JPH3: variants seen among roughly 807,000 people sequenced by gnomAD.
The protein encoded by JPH3 is junctophilin-3.
A neutral mutation model predicts 59.6 loss-of-function variants in JPH3; 11 were observed. The ratio of observed to expected loss-of-function variants is 0.18; its 90% CI spans 0.12 to 0.31. JPH3 has a LOEUF of 0.31. Among genes scored for constraint, JPH3 ranks in the 10% least tolerant of loss-of-function variants. The pLI is 1.00. For synonymous variants in JPH3, 673 were observed against 483.6 expected (o/e 1.39, Z -5.14); for missense variants, 1,202 against 1,105.7 (o/e 1.09, Z -1.24).
chr16:87,647,478 G>A (rs1385799861), intron 2 of JPH3, among the ~76,000 whole-genome samples: 1 of 152,168 alleles, frequency 6.6e-6, no homozygotes, highest in African/African-American at 2.4e-5. Flanking sequence ...CCAACCCCCC[G>A]ACAGCCTTTG....
chr16:87,685,425 C>T (rs1279472703), intron 3 of JPH3, among the ~76,000 whole-genome samples: 5 of 152,270 alleles, frequency 3.3e-5, no homozygotes, highest in Non-Finnish European at 7.3e-5. Flanking sequence ...CCATTGGCAT[C>T]CTCCATGGTC....
chr16:87,696,217 G>A, intron 4 of JPH3: 1 of 440,740 alleles, frequency 2.3e-6, no homozygotes, highest in Non-Finnish European at 4.4e-6. Flanking sequence ...GGAGAAGCCT[G>A]CTGACTGGCA....
chr16:87,685,518 G>A (rs1246639542), intron 3 of JPH3, among the ~76,000 whole-genome samples: 1 of 152,392 alleles, frequency 6.6e-6, no homozygotes, highest in East Asian at 1.9e-4. Context: ...GGGAGGCGGT[G>A]GGGCGCACAC....
intron 1 of JPH3, among the ~76,000 whole-genome samples, chr16:87,642,706 C>T (rs574802371): frequency 6.2e-4 from 94 of 152,290 alleles, no homozygotes; most frequent in African/African-American, 2.2e-3. Context: ...TGAGGTTTGC[C>T]GCGTTGGGCG....
chr16:87,684,439 G>A, intron 3 of JPH3, 173 bp downstream of exon 3: 1 of 1,005,018 alleles, frequency 1.0e-6, no homozygotes, highest in Non-Finnish European at 1.4e-6. Context: ...TTGTGCCAAG[G>A]CCTGGCCTGG....
At chr16:87,665,068 C>T (rs1597275402) in intron 2 of JPH3, among the ~76,000 whole-genome samples, 4 of 152,244 alleles carry the variant, frequency 2.6e-5, no homozygotes, top group African/African-American at 4.8e-5. Flanking sequence ...AGGAACCATC[C>T]GGCCCTCTTC....
intron 2 of JPH3, among the ~76,000 whole-genome samples, chr16:87,645,616 C>G (rs1164569664): frequency 6.6e-6 from 1 of 152,148 alleles, no homozygotes; most frequent in African/African-American, 2.4e-5. Context: ...GCATGACTTA[C>G]GGAATTTGGG....
At chr16:87,628,302 CAG>C (rs1313317561) in intron 1 of JPH3, among the ~76,000 whole-genome samples, 2 of 152,384 alleles carry the variant, frequency 1.3e-5, no homozygotes, top group African/African-American at 4.8e-5. Context: ...AGCCAGCCCT[CAG>C]GGGCCAGAGC....
At chr16:87,681,203 G>A (rs2033282674) in intron 2 of JPH3, among the ~76,000 whole-genome samples, 1 of 149,794 alleles carries the variant, frequency 6.7e-6, no homozygotes, top group Non-Finnish European at 1.5e-5. Flanking sequence ...GGTGCACGCG[G>A]TGATGACAGT....
chr16:87,696,984 C>T lies in JPH3; in HGVS notation c.*324C>T, dbSNP rs557633107. On this transcript the variant is annotated 3_prime_UTR_variant, in exon 5 of 5. Transcript: ENST00000284262. The stretch of plus-strand genomic sequence containing the variant: ...CAGTGGTAACAGCGGACGTTGTCCT[C>T]GTGGTCACACGTCCCGTCTTGGGTG... 22 of 353,054 alleles carry T rather than the reference C, an allele frequency of 6.2e-5. No homozygotes were observed. The highest frequency in any genetic ancestry group is 2.8e-4 in the South Asian group (11 of 38,876). The allele number at this position is 353,054 out of a possible 1,614,324, so 21.9% of individuals were successfully genotyped here. A position where few individuals can be genotyped will look rare whatever the true frequency, so the allele number is the denominator to read the frequency against.
chr16:87,680,533 GGAAGGTTGCAA>G (rs2033263014), intron 2 of JPH3, among the ~76,000 whole-genome samples: 1 of 152,234 alleles, frequency 6.6e-6, no homozygotes, highest in Non-Finnish European at 1.5e-5. Flanking sequence ...TTTCCTCCAG[GGAAGGTTGCAA>G]GAAAGGCGGG....
rs188631971 is a variant in JPH3, at chr16:87,636,475, G to C, written c.383-7783G>C. ...CGCTTTATTGAGCAACCGAGGGAGCGAGGGAGAGGAGCAACTGCGGCGAGC... is the reference window on the plus strand; with the variant it reads ...CGCTTTATTGAGCAACCGAGGGAGCCAGGGAGAGGAGCAACTGCGGCGAGC... On this transcript the variant is annotated intron_variant, in intron 1 of 4. Transcript: ENST00000284262. Among the ~76,000 whole-genome samples the C allele has an allele frequency of 1.9e-3, 282 of 152,334 alleles. 5 individuals are homozygous for C. In the East Asian group the frequency reaches 0.042, roughly 23 times the overall value.
chr16:87,689,189 C>G (rs1412502073), intron 3 of JPH3, among the ~76,000 whole-genome samples: 1 of 152,194 alleles, frequency 6.6e-6, no homozygotes, highest in Non-Finnish European at 1.5e-5. Context: ...GTCCCAGCAC[C>G]CTGAGACACA....
At chr16:87,627,973 A>G (rs1395629547) in intron 1 of JPH3, among the ~76,000 whole-genome samples, 2 of 152,248 alleles carry the variant, frequency 1.3e-5, no homozygotes, top group African/African-American at 4.8e-5. Context: ...AGCGTTCCCA[A>G]CATCAGAGCT....
intron 2 of JPH3, among the ~76,000 whole-genome samples, chr16:87,681,727 G>A (rs1337074679): frequency 2.0e-5 from 3 of 152,216 alleles, no homozygotes; most frequent in African/African-American, 7.2e-5. Flanking sequence ...AAGTGCATGT[G>A]GTCATAGTTC....
At chr16:87,631,686 C>G (rs1050148430) in intron 1 of JPH3, among the ~76,000 whole-genome samples, 2 of 152,160 alleles carry the variant, frequency 1.3e-5, no homozygotes, top group African/African-American at 4.8e-5. Context: ...TCCCTGCTTT[C>G]TAGAACTCCT....
intron 2 of JPH3, among the ~76,000 whole-genome samples, chr16:87,662,905 T>G (rs2032750715): frequency 6.6e-6 from 1 of 152,156 alleles, no homozygotes; most frequent in Non-Finnish European, 1.5e-5. Flanking sequence ...AAGCACCGGC[T>G]CCTTTCACGG....
intron 1 of JPH3, among the ~76,000 whole-genome samples, chr16:87,617,719 G>A (rs986342493): frequency 5.3e-5 from 8 of 152,162 alleles, no homozygotes; most frequent in African/African-American, 1.9e-4. Context: ...TGGAGAAGGA[G>A]CAGGTGCAGG....
At chr16:87,630,560 G>A (rs1335982652) in intron 1 of JPH3, among the ~76,000 whole-genome samples, 1 of 152,122 alleles carries the variant, frequency 6.6e-6, no homozygotes, top group African/African-American at 2.4e-5. Context: ...GGAAAAATGA[G>A]GTTAATATCA....
Sources: gnomAD v4.1 joint callset for allele counts (sites outside exome capture counted in the v4.1 genomes callset) on GRCh38, gnomAD v4.1.1 for gene constraint, MANE v1.5 for transcripts, NCBI Gene and HGNC (gene_info 2026-07-23, HGNC 2026-07-21) for gene names.